The following BCL2 variants were observed in gnomAD, a reference collection of about 807,000 sequenced individuals.
The protein encoded by BCL2 is apoptosis regulator Bcl-2.
Under a neutral mutation model 14.2 loss-of-function variants are expected in BCL2, and 1 was observed. That is an observed-to-expected ratio of 0.07 (90% CI 0.02 to 0.33). BCL2 has a LOEUF of 0.33. BCL2 is among the 10% of genes least tolerant of loss of function. The pLI, the probability that BCL2 is intolerant of heterozygous loss-of-function variation, is 0.99. For synonymous variants in BCL2, 151 were observed against 137.2 expected, an observed-to-expected ratio of 1.10 and a Z score of -0.70; for missense variants, 247 against 305.9, an observed-to-expected ratio of 0.81 and a Z score of 1.44.
rs1458113564 is a variant in BCL2 at position 63,235,142 on chromosome 18, AG to A, written c.585+82939del. 2.6e-5 allele frequency among the ~76,000 whole-genome samples: 3 copies of A among 113,372 alleles called. No individual in the cohort carries two copies. In the East Asian group the frequency reaches 7.4e-4, roughly 28 times the overall value. 74.4% of individuals were successfully genotyped at this position (113,372 alleles called of 152,430 possible). A position where few individuals can be genotyped will look rare whatever the true frequency, so the allele number is the denominator to read the frequency against. On this transcript the variant is annotated intron_variant, in intron 2 of 2. Coordinates refer to ENST00000333681, the MANE Select transcript of BCL2 (RefSeq NM_000633.3). ...CCTGAAACAACTATCAGATTGGCAA[AG>A]GAAAAAAATTTTTAAATATGACTCT...
At chr18:63,199,728 A>G (rs1363963202) in intron 2 of BCL2, among the ~76,000 whole-genome samples, 4 of 152,210 alleles carry the variant, frequency 2.6e-5, no homozygotes, top group Non-Finnish European at 2.9e-5. Context: ...AGACACTGGC[A>G]CAGAAACACA....
chr18:63,203,794 G>A (rs1909764785), intron 2 of BCL2, among the ~76,000 whole-genome samples: 1 of 152,168 alleles, frequency 6.6e-6, no homozygotes, highest in South Asian at 2.1e-4. Flanking sequence ...TTTCTATGCT[G>A]TAAACACAAC....
At chr18:63,300,039 T>C (rs933983155) in intron 2 of BCL2, among the ~76,000 whole-genome samples, 3 of 152,186 alleles carry the variant, frequency 2.0e-5, no homozygotes, top group Admixed American at 6.5e-5. Flanking sequence ...CACGTTTTAT[T>C]GTACAGTGGT....
chr18:63,182,452 C>T (rs560738492), intron 2 of BCL2, among the ~76,000 whole-genome samples: 24 of 152,310 alleles, frequency 1.6e-4, no homozygotes, highest in East Asian at 3.9e-4. Flanking sequence ...CCGCATGGAG[C>T]GAGGATCCTA....
At chr18:63,248,601 T>C (rs1480160553) in intron 2 of BCL2, among the ~76,000 whole-genome samples, 1 of 152,198 alleles carries the variant, frequency 6.6e-6, no homozygotes, top group Admixed American at 6.5e-5. Context: ...GCTAATACCA[T>C]TATAAGAGCT....
intron 2 of BCL2, among the ~76,000 whole-genome samples, chr18:63,279,412 A>G (rs372033485): frequency 9.2e-5 from 14 of 152,382 alleles, no homozygotes; most frequent in East Asian, 5.8e-4. Flanking sequence ...GAAAATAAGC[A>G]TATGAAAAGA....
chr18:63,280,283 A>G (rs1912272349), intron 2 of BCL2, among the ~76,000 whole-genome samples: 1 of 152,188 alleles, frequency 6.6e-6, no homozygotes, highest in African/African-American at 2.4e-5. Context: ...TAAACTTTCA[A>G]AGCCTCAGTT....
intron 2 of BCL2, among the ~76,000 whole-genome samples, chr18:63,180,391 T>C (rs1036363850): frequency 6.6e-6 from 1 of 152,254 alleles, no homozygotes; most frequent in African/African-American, 2.4e-5. Flanking sequence ...CAGGAATCCC[T>C]TCTCCTCCTT....
chr18:63,307,060 C>A (rs898899805), intron 2 of BCL2, among the ~76,000 whole-genome samples: 1 of 152,108 alleles, frequency 6.6e-6, no homozygotes. Flanking sequence ...AATAACTGAT[C>A]TCTTGTTCTG....
intron 2 of BCL2, among the ~76,000 whole-genome samples, chr18:63,278,504 T>A (rs1378785950): frequency 6.6e-6 from 1 of 152,226 alleles, no homozygotes; most frequent in East Asian, 1.9e-4. Flanking sequence ...ACTCTTGATA[T>A]CTTATCACCC....
chr18:63,219,607 A>C, intron 2 of BCL2, among the ~76,000 whole-genome samples: 1 of 152,084 alleles, frequency 6.6e-6, no homozygotes, highest in East Asian at 1.9e-4. Flanking sequence ...AAGCGTAAGC[A>C]GAAATGAAGT....
At chr18:63,212,586 T>C (rs1910063205) in intron 2 of BCL2, among the ~76,000 whole-genome samples, 1 of 148,306 alleles carries the variant, frequency 6.7e-6, no homozygotes, top group African/African-American at 2.4e-5. Flanking sequence ...AAATAAAAGT[T>C]GCTACCTTGG....
intron 2 of BCL2, among the ~76,000 whole-genome samples, chr18:63,168,257 C>A (rs1039892299): frequency 6.6e-6 from 1 of 151,482 alleles, no homozygotes; most frequent in Non-Finnish European, 1.5e-5. Flanking sequence ...TCCCTGGGCA[C>A]ATTTAAAAAC....
intron 2 of BCL2, among the ~76,000 whole-genome samples, chr18:63,293,217 C>A (rs928338633): frequency 6.6e-6 from 1 of 152,200 alleles, no homozygotes; most frequent in South Asian, 2.1e-4. Context: ...CCAAAATACT[C>A]CTCCAGCCTG....
chr18:63,260,705 GAA>G (rs35829205), intron 2 of BCL2, among the ~76,000 whole-genome samples: 33 of 149,644 alleles, frequency 2.2e-4, no homozygotes, highest in Non-Finnish European at 3.4e-4. Flanking sequence ...TTTAAAAATG[GAA>G]AAAAAAAAGT....
chr18:63,186,713 T>C (rs1472736672), intron 2 of BCL2, among the ~76,000 whole-genome samples: 1 of 152,230 alleles, frequency 6.6e-6, no homozygotes, highest in Non-Finnish European at 1.5e-5. Flanking sequence ...GATGCAATAG[T>C]CAGTAAAGAA....
chr18:63,246,564 C>T (rs533942966), intron 2 of BCL2, among the ~76,000 whole-genome samples: 5 of 152,244 alleles, frequency 3.3e-5, no homozygotes, highest in South Asian at 2.1e-4. Flanking sequence ...AGGAAAGACC[C>T]GCCCCCATGA....
chr18:63,268,453 C>T (rs1167980795), intron 2 of BCL2, among the ~76,000 whole-genome samples: 3 of 152,208 alleles, frequency 2.0e-5, no homozygotes, highest in Non-Finnish European at 4.4e-5. Flanking sequence ...AGGATGCCAG[C>T]TTTGTAACTC....
chr18:63,144,175 G>A (rs1914447102), intron 2 of BCL2, among the ~76,000 whole-genome samples: 1 of 152,190 alleles, frequency 6.6e-6, no homozygotes, highest in African/African-American at 2.4e-5. Context: ...GCTCGTTTTA[G>A]CTCTTTCTTT....
Sources: gnomAD v4.1 joint callset for allele counts (sites outside exome capture counted in the v4.1 genomes callset) on GRCh38, gnomAD v4.1.1 for gene constraint, MANE v1.5 for transcripts, NCBI Gene and HGNC (gene_info 2026-07-23, HGNC 2026-07-21) for gene names.